DPP6: variants seen among roughly 807,000 people sequenced by gnomAD.
The protein encoded by DPP6 is dipeptidyl peptidase like 6, also known as A-type potassium channel modulatory protein DPP6.
DPP6 carries 69 observed loss-of-function variants against 122.6 expected under a neutral mutation model. The ratio of observed to expected loss-of-function variants is 0.56; its 90% confidence interval spans 0.46 to 0.69. DPP6 has a LOEUF of 0.69. Ranked by LOEUF, DPP6 falls within the 30% of genes least tolerant of loss-of-function variation. The probability of loss-of-function intolerance (pLI) is 0.00; values close to 1 mark genes in which losing one functional copy is unlikely to be tolerated. For synonymous variants in DPP6, 418 were observed against 433.1 expected (o/e 0.97, Z 0.43); for missense variants, 928 against 1,116.9 (o/e 0.83, Z 2.41).
At chr7:154,837,428 ACACATT>A (rs1584852364) in intron 16 of DPP6, among the ~76,000 whole-genome samples, 2 of 152,184 alleles carry the variant, frequency 1.3e-5, no homozygotes, top group Non-Finnish European at 2.9e-5. Context: ...ATGCATACAG[ACACATT>A]CACGTGCATG....
intron 1 of DPP6, among the ~76,000 whole-genome samples, chr7:154,155,716 A>C (rs918352728): frequency 1.3e-5 from 2 of 152,178 alleles, no homozygotes; most frequent in Non-Finnish European, 2.9e-5. Flanking sequence ...GGAACCTATA[A>C]GTTTCAGAAT....
chr7:154,610,200 C>T (rs1833819852), intron 5 of DPP6, among the ~76,000 whole-genome samples: 1 of 152,140 alleles, frequency 6.6e-6, no homozygotes, highest in Non-Finnish European at 1.5e-5. Context: ...AATTAACTAA[C>T]AATATTAAGT....
chr7:154,600,220 T>C (rs76365653), intron 5 of DPP6, among the ~76,000 whole-genome samples: 38,308 of 120,302 alleles, frequency 0.32, 7,106 homozygotes, highest in East Asian at 0.56. Context: ...CTCTGCCTCC[T>C]GGGTTCAAGC....
rs149721734 is a variant in DPP6 at position 154,282,185 on chromosome 7, C to T, written c.244-164029C>T. 2.2e-3 allele frequency among the ~76,000 whole-genome samples: 332 copies of T among 152,192 alleles called. 1 individual carries two copies. The highest frequency in any genetic ancestry group is 7.8e-3 in the African/African-American group (323 of 41,528). The stretch of plus-strand genomic sequence containing the variant: ...ATAATTTTATTCTTTTTTCCCCTCC[C>T]TATTCCATTCTCTCTGTGGCCCCAT... On this transcript the variant is annotated intron_variant, in intron 1 of 25. Coordinates refer to ENST00000377770, the MANE Select transcript of DPP6 (RefSeq NM_130797.4). This position sits in a 1 kb window ranked among gnomAD's most constrained non-coding sequence, Gnocchi z 4.8.
intron 1 of DPP6, among the ~76,000 whole-genome samples, chr7:154,006,565 G>T (rs1427282081): frequency 6.6e-6 from 1 of 152,154 alleles, no homozygotes; most frequent in East Asian, 1.9e-4. Context: ...GATCACTAGG[G>T]TAGGCTCTGA....
In DPP6 at chr7:154,458,314, A is replaced by C. The variant is rs546297783; in HGVS notation, c.358+11986A>C. ...TTTATAAAAGGCAGTTCCCCTGCAC[A>C]TGCCCTCTTGCCTGCTGCCATGTAA... On this transcript the variant is annotated intron_variant, in intron 2 of 25. Transcript: ENST00000377770. Among the ~76,000 whole-genome samples, 8 of 152,320 alleles carry C rather than the reference A, an allele frequency of 5.3e-5. No homozygotes were observed. In the South Asian group the frequency reaches 1.7e-3, roughly 32 times the overall value.
chr7:153,774,767 C>T, the DPP6 span, among the ~76,000 whole-genome samples: 211 of 152,164 alleles, frequency 1.4e-3, no homozygotes, highest in African/African-American at 4.7e-3. Flanking sequence ...GAGTTCAAAA[C>T]CAGCCTGGGC....
At chr7:154,127,597 T>TCTCACACACACACACACA (rs1438098845) in intron 1 of DPP6, among the ~76,000 whole-genome samples, 1 of 136,742 alleles carries the variant, frequency 7.3e-6, no homozygotes, top group African/African-American at 3.1e-5. Flanking sequence ...GAGCAGCATC[T>TCTCACACACACACACACA]CACACACACA....
chr7:153,836,958 G>A, the DPP6 span, among the ~76,000 whole-genome samples: 387 of 152,280 alleles, frequency 2.5e-3, 1 homozygote, highest in Middle Eastern at 0.01. Flanking sequence ...TGCTGCGGAG[G>A]CTGGTCCAGC....
intron 1 of DPP6, among the ~76,000 whole-genome samples, chr7:154,101,171 T>C (rs983871034): frequency 7.2e-6 from 1 of 138,522 alleles, no homozygotes; most frequent in Non-Finnish European, 1.6e-5. Flanking sequence ...CCAGTTCAGA[T>C]CAGTTGTTCA....
intron 1 of DPP6, among the ~76,000 whole-genome samples, chr7:153,993,819 G>A (rs2533588): frequency 1.7e-4 from 25 of 145,098 alleles, no homozygotes; most frequent in East Asian, 2.0e-4. Context: ...CAGTTAATAC[G>A]CCCTCTTTCC....
intron 4 of DPP6, among the ~76,000 whole-genome samples, chr7:154,560,171 A>T (rs1168005239): frequency 6.6e-6 from 1 of 152,002 alleles, no homozygotes; most frequent in Non-Finnish European, 1.5e-5. Context: ...ACATATGGCC[A>T]GGTTTTGGGT....
At chr7:154,074,656 G>T (rs1375272744) in intron 1 of DPP6, among the ~76,000 whole-genome samples, 1 of 152,182 alleles carries the variant, frequency 6.6e-6, no homozygotes. Context: ...ATTGCTGAAA[G>T]AGTCACATAA....
chr7:154,110,249 A>G lies in DPP6; in HGVS notation c.243+57186A>G, dbSNP rs1241924910. Among the ~76,000 whole-genome samples, 14 of 152,240 alleles carry G rather than the reference A, an allele frequency of 9.2e-5. 1 individual carries two copies. In the South Asian group the frequency reaches 1.0e-3, roughly 11 times the overall value. ...ACATTCAATGCAATGAGTTTGTTCA[A>G]TTCCATCCAACTAAAAATTGTGTTT... On this transcript the variant is annotated intron_variant, in intron 1 of 25. Coordinates refer to ENST00000377770, the MANE Select transcript of DPP6 (RefSeq NM_130797.4).
chr7:154,131,165 C>G (rs1795260895), intron 1 of DPP6, among the ~76,000 whole-genome samples: 1 of 152,118 alleles, frequency 6.6e-6, no homozygotes, highest in Non-Finnish European at 1.5e-5. Flanking sequence ...GAAAGATGAT[C>G]TAATAAGTTT....
At chr7:154,505,591 A>G (rs1034800476) in intron 3 of DPP6, among the ~76,000 whole-genome samples, 1 of 152,158 alleles carries the variant, frequency 6.6e-6, no homozygotes, top group Non-Finnish European at 1.5e-5. Flanking sequence ...AACATGGGTC[A>G]CGTCTTTTAT....
chr7:154,407,454 AGT>A (rs1286758298), intron 1 of DPP6, among the ~76,000 whole-genome samples: 1 of 152,154 alleles, frequency 6.6e-6, no homozygotes, highest in East Asian at 1.9e-4. Flanking sequence ...AAGAAGTTAT[AGT>A]GTTTTCTTTG....
rs1299689192 is a variant in DPP6, at chr7:154,444,015, GT to G, written c.244-2197del. 5.3e-5 allele frequency among the ~76,000 whole-genome samples: 8 copies of G among 152,298 alleles called. No homozygotes were observed. The East Asian group carries it at 1.4e-3, about 26-fold the overall frequency. Reference sequence around the variant, plus strand: ...ATTTTCAACAGTTCAACTCCTGCAAGTTAGGAGGAAGTCTGAATGTGGGGAG... The same window carrying G: ...ATTTTCAACAGTTCAACTCCTGCAAGTAGGAGGAAGTCTGAATGTGGGGAG... On this transcript the variant is annotated intron_variant, in intron 1 of 25. Transcript: ENST00000377770.
chr7:154,058,934 C>G (rs1158627868), intron 1 of DPP6: 1 of 150,442 alleles, frequency 6.6e-6, no homozygotes, highest in Non-Finnish European at 1.5e-5. Flanking sequence ...GCTGTTAGTA[C>G]CCCCATCGCA....
Sources: allele counts gnomAD v4.1 joint callset (sites outside exome capture counted in the v4.1 genomes callset), GRCh38; gene constraint gnomAD v4.1.1; non-coding constraint Gnocchi (gnomAD v3.1); transcripts MANE v1.5; gene names NCBI Gene and HGNC (gene_info 2026-07-23, HGNC 2026-07-21).